Variants in CDH13 observed in about 807,000 individuals in gnomAD.
CDH13 encodes the protein cadherin 13, also known as cadherin-13.
In CDH13, 24 loss-of-function variants were observed where a neutral mutation model predicts 63.8. The ratio of observed to expected loss-of-function variants is 0.38; its 90% CI spans 0.27 to 0.53. The LOEUF (loss-of-function observed/expected upper bound fraction) is 0.53. Ranked by LOEUF, CDH13 falls within the 20% of genes least tolerant of loss-of-function variation. The pLI is 0.85. For missense variants in CDH13, 1,049 were observed against 903.1 expected (o/e 1.16, Z -2.07); for synonymous variants, 503 against 355.3 (o/e 1.42, Z -4.67).
intron 2 of CDH13, among the ~76,000 whole-genome samples, chr16:83,027,102 A>ACCCCCCC (rs79185242): frequency 2.0e-5 from 2 of 100,978 alleles, no homozygotes; most frequent in African/African-American, 4.0e-5. Flanking sequence ...CAGAAGGGAG[A>ACCCCCCC]CCCCCCCCCC....
intron 10 of CDH13, among the ~76,000 whole-genome samples, chr16:83,718,684 C>T (rs1049529622): frequency 2.6e-5 from 4 of 152,136 alleles, no homozygotes; most frequent in Non-Finnish European, 5.9e-5. Context: ...AATCCACCAC[C>T]ACGATGGGTC....
chr16:83,682,760 C>G (rs1428770689), intron 10 of CDH13, among the ~76,000 whole-genome samples: 2 of 152,146 alleles, frequency 1.3e-5, no homozygotes, highest in East Asian at 1.9e-4. Flanking sequence ...TGACTCAGCT[C>G]CAACAACCCC....
intron 6 of CDH13, among the ~76,000 whole-genome samples, chr16:83,405,743 C>T (rs2092032596): frequency 6.6e-6 from 1 of 152,166 alleles, no homozygotes; most frequent in South Asian, 2.1e-4. Context: ...CTAATAGTGC[C>T]ATGTTATCTA....
At chr16:83,379,329 C>T (rs905143156) in intron 6 of CDH13, among the ~76,000 whole-genome samples, 6 of 152,128 alleles carry the variant, frequency 3.9e-5, no homozygotes, top group Admixed American at 2.0e-4. Context: ...GACTCTTCTA[C>T]GTCCGGTGTC....
intron 7 of CDH13, among the ~76,000 whole-genome samples, chr16:83,567,842 G>A (rs1463010837): frequency 1.3e-5 from 2 of 152,136 alleles, no homozygotes; most frequent in African/African-American, 4.8e-5. Flanking sequence ...TGATCCACCT[G>A]CCTCGGCCTC....
At chr16:82,752,787 C>T (rs570160198) in intron 1 of CDH13, among the ~76,000 whole-genome samples, 1 of 152,242 alleles carries the variant, frequency 6.6e-6, no homozygotes, top group South Asian at 2.1e-4. Context: ...TGCCTATTTT[C>T]ATGATATCAA....
At chr16:82,998,708 A>C (rs1214342452) in intron 2 of CDH13, among the ~76,000 whole-genome samples, 1 of 152,170 alleles carries the variant, frequency 6.6e-6, no homozygotes, top group African/African-American at 2.4e-5. Context: ...GTTATTCATA[A>C]ATGGATTTAG....
At chr16:83,337,650 T>G (rs1271762836) in intron 5 of CDH13, among the ~76,000 whole-genome samples, 5 of 106,292 alleles carry the variant, frequency 4.7e-5, no homozygotes, top group Non-Finnish European at 7.8e-5. Context: ...TTTTTTTTTT[T>G]GCTTTTCAGA....
At chr16:83,111,988 A>G (rs72798370) in intron 3 of CDH13, among the ~76,000 whole-genome samples, 8,638 of 152,286 alleles carry the variant, frequency 0.057, 343 homozygotes, top group Non-Finnish European at 0.082. Context: ...CAATATGTGC[A>G]CAAATTTTCT....
At chr16:83,657,870 C>G (rs1487802058) in intron 8 of CDH13, among the ~76,000 whole-genome samples, 2 of 151,340 alleles carry the variant, frequency 1.3e-5, no homozygotes, top group Non-Finnish European at 2.9e-5. Flanking sequence ...ATATCCTCAC[C>G]AGCAAGGTCC....
chr16:82,868,616 C>T (rs984721903), intron 2 of CDH13, among the ~76,000 whole-genome samples: 7 of 152,144 alleles, frequency 4.6e-5, no homozygotes, highest in African/African-American at 1.7e-4. Context: ...GTGGAGTTCC[C>T]TTGGCCTAAG....
intron 10 of CDH13, among the ~76,000 whole-genome samples, chr16:83,745,630 G>A (rs1460524392): frequency 1.3e-5 from 2 of 152,046 alleles, no homozygotes; most frequent in East Asian, 3.9e-4. Flanking sequence ...CTTATTCCCT[G>A]GCTCCCCTTC....
intron 1 of CDH13, chr16:82,824,962 ATATT>A (rs1158176116): frequency 6.6e-6 from 1 of 151,718 alleles, no homozygotes; most frequent in African/African-American, 2.4e-5. Context: ...TACCTTCTAA[ATATT>A]TATAGATGAA....
At chr16:83,010,697 G>A (rs1914061967) in intron 2 of CDH13, among the ~76,000 whole-genome samples, 1 of 152,170 alleles carries the variant, frequency 6.6e-6, no homozygotes, top group Admixed American at 6.5e-5. Context: ...GTTACCCAGA[G>A]CCCTACTGAA....
chr16:82,799,876 C>G (rs2036767904), intron 1 of CDH13, among the ~76,000 whole-genome samples: 1 of 152,136 alleles, frequency 6.6e-6, no homozygotes, highest in Admixed American at 6.5e-5. Context: ...TTTATGGCAA[C>G]CCACTACCAG....
intron 4 of CDH13, among the ~76,000 whole-genome samples, chr16:83,140,594 C>T (rs1409916488): frequency 6.6e-6 from 1 of 152,132 alleles, no homozygotes; most frequent in South Asian, 2.1e-4. Context: ...GCTGGGATTA[C>T]AGGCGCCTGC....
At chr16:82,961,147 A>T (rs1375201740) in intron 2 of CDH13, among the ~76,000 whole-genome samples, 1 of 152,186 alleles carries the variant, frequency 6.6e-6, no homozygotes, top group Non-Finnish European at 1.5e-5. Flanking sequence ...AATCCGACTC[A>T]GGCTTCATCC....
At chr16:82,843,599 A>G (rs1163816763) in intron 1 of CDH13, among the ~76,000 whole-genome samples, 3 of 152,194 alleles carry the variant, frequency 2.0e-5, no homozygotes, top group African/African-American at 7.2e-5. Flanking sequence ...CAAGATAGAC[A>G]TTTTAGTTCA....
chr16:82,765,211 A>G (rs1285548850), intron 1 of CDH13, among the ~76,000 whole-genome samples: 1 of 152,194 alleles, frequency 6.6e-6, no homozygotes, highest in Non-Finnish European at 1.5e-5. Flanking sequence ...TGAGTATTTG[A>G]GTCCTCTGAT....
Sources: allele counts gnomAD v4.1 joint callset (sites outside exome capture counted in the v4.1 genomes callset), GRCh38; gene constraint gnomAD v4.1.1; transcripts MANE v1.5; gene names NCBI Gene and HGNC (gene_info 2026-07-23, HGNC 2026-07-21).